Variants in BAZ1A observed in about 807,000 individuals in gnomAD.
BAZ1A encodes the protein bromodomain adjacent to zinc finger domain protein 1A.
In BAZ1A, 50 loss-of-function variants were observed where a neutral mutation model predicts 185.2. The ratio of observed to expected loss-of-function variants is 0.27; its 90% confidence interval spans 0.22 to 0.34. BAZ1A has a LOEUF of 0.34. BAZ1A is among the 10% of genes least tolerant of loss of function. BAZ1A has a pLI of 1.00. For missense variants in BAZ1A, 1,356 were observed against 1,839.9 expected, an observed-to-expected ratio of 0.74 and a Z score of 4.81; for synonymous variants, 571 against 615.6, an observed-to-expected ratio of 0.93 and a Z score of 1.07.
chr14:34,771,325 T>G, intron 21 of BAZ1A, 186 bp downstream of exon 21: 1 of 607,848 alleles, frequency 1.6e-6, no homozygotes, highest in Admixed American at 3.0e-5. Context: ...ATGAAACTCT[T>G]CACAAAAGAC....
chr14:34,816,911 A>G, intron 4 of BAZ1A: 1 of 352,306 alleles, frequency 2.8e-6, no homozygotes, highest in Non-Finnish European at 5.7e-6. Context: ...GGATATTTAC[A>G]TATAAATTTT....
intron 3 of BAZ1A, among the ~76,000 whole-genome samples, chr14:34,828,369 A>C (rs1312381028): frequency 6.6e-6 from 1 of 151,080 alleles, no homozygotes; most frequent in Non-Finnish European, 1.5e-5. Context: ...AAAAGACAGC[A>C]CCTGTTTTCT....
intron 3 of BAZ1A, among the ~76,000 whole-genome samples, chr14:34,849,167 A>G (rs2042560418): frequency 6.6e-6 from 1 of 152,136 alleles, no homozygotes; most frequent in South Asian, 2.1e-4. Flanking sequence ...GCACATGCCT[A>G]TAGTCCCAGC....
intron 7 of BAZ1A, among the ~76,000 whole-genome samples, chr14:34,801,656 C>T (rs1197767506): frequency 6.6e-6 from 1 of 152,134 alleles, no homozygotes; most frequent in Non-Finnish European, 1.5e-5. Flanking sequence ...TGCCTGTGAT[C>T]CTAGCATTTT....
intron 4 of BAZ1A, among the ~76,000 whole-genome samples, chr14:34,822,736 G>C (rs1417455226): frequency 6.6e-6 from 1 of 152,170 alleles, no homozygotes; most frequent in African/African-American, 2.4e-5. Context: ...AGGAAATTAT[G>C]ACTGATTGCT....
rs539074064 is a variant in BAZ1A, at chr14:34,870,784, A to G, written c.113+3708T>C. Among the ~76,000 whole-genome samples the G allele has an allele frequency of 8.5e-5, 13 of 152,336 alleles. No homozygotes were observed. The South Asian group carries it at 2.7e-3, about 32-fold the overall frequency. ...AGCATTATCAGTTACTAGAAAAATA[A>G]TTTTGGACACCGTAATCTTGGATTT... is the stretch of plus-strand genomic sequence containing the variant. On this transcript the variant is annotated intron_variant, in intron 2 of 26. Transcript: ENST00000360310.
chr14:34,840,955 T>C (rs981140605), intron 3 of BAZ1A, among the ~76,000 whole-genome samples: 1 of 150,766 alleles, frequency 6.6e-6, no homozygotes, highest in South Asian at 2.1e-4. Context: ...AAAATCAATA[T>C]TTTTTTTTTT....
At chr14:34,808,461 G>A (rs997887293) in intron 5 of BAZ1A, among the ~76,000 whole-genome samples, 3 of 152,088 alleles carry the variant, frequency 2.0e-5, no homozygotes, top group Non-Finnish European at 4.4e-5. Context: ...TCGTGCTGCT[G>A]CACTCTAGTC....
At position 34,800,176 on chromosome 14, in the gene BAZ1A, T is replaced by C. The variant is rs1312023259; in HGVS notation, c.1128+48A>G. 5 of 1,254,682 alleles carry C rather than the reference T, an allele frequency of 4.0e-6. No individual in the cohort carries two copies. In the Admixed American group the frequency reaches 8.9e-5, roughly 22 times the overall value. The allele number at this position is 1,254,682 out of a possible 1,614,324, so 77.7% of individuals were successfully genotyped here. A position where few individuals can be genotyped will look rare whatever the true frequency, so the allele number is the denominator to read the frequency against. ...CAACCATGGATGTAGATATGTAAAG[T>C]AGTATTACTATATGTAGAGAGTATA... is the stretch of plus-strand genomic sequence containing the variant. On this transcript the variant is annotated intron_variant, in intron 9 of 26. Coordinates refer to ENST00000360310, the MANE Select transcript of BAZ1A (RefSeq NM_013448.3).
chr14:34,757,856 C>A (rs559136162), intron 25 of BAZ1A, among the ~76,000 whole-genome samples: 1 of 150,242 alleles, frequency 6.7e-6, no homozygotes, highest in Non-Finnish European at 1.5e-5. Flanking sequence ...AAGTAATTCT[C>A]CTGCCTCAGC....
At chr14:34,815,162 T>C (rs1323749476) in intron 4 of BAZ1A, among the ~76,000 whole-genome samples, 3 of 152,240 alleles carry the variant, frequency 2.0e-5, no homozygotes, top group African/African-American at 7.2e-5. Context: ...TGCCGTACCA[T>C]GAAATTCATT....
At chr14:34,817,323 C>A (rs559319539) in intron 4 of BAZ1A, among the ~76,000 whole-genome samples, 1 of 152,124 alleles carries the variant, frequency 6.6e-6, no homozygotes. Flanking sequence ...CACAGTGGCT[C>A]ATGCCTGTAA....
intron 9 of BAZ1A, 122 bp from the exon 10 acceptor site, chr14:34,795,887 T>A: frequency 1.5e-6 from 1 of 680,770 alleles, no homozygotes; most frequent in Non-Finnish European, 2.4e-6. Flanking sequence ...ACTGAAGCAG[T>A]AACTCTGAGG....
intron 17 of BAZ1A, among the ~76,000 whole-genome samples, chr14:34,778,880 G>A (rs1221781122): frequency 6.6e-6 from 1 of 151,976 alleles, no homozygotes; most frequent in African/African-American, 2.4e-5. Flanking sequence ...TTTGAGAAAG[G>A]ACCTTGCTCT....
At chr14:34,754,426 A>AAG (rs1555336279) in intron 26 of BAZ1A, among the ~76,000 whole-genome samples, 7 of 122,838 alleles carry the variant, frequency 5.7e-5, no homozygotes, top group South Asian at 2.4e-4. Flanking sequence ...TCAAAAAAAA[A>AAG]AAAAAAGAAA....
intron 4 of BAZ1A, among the ~76,000 whole-genome samples, chr14:34,820,703 A>T (rs1431753547): frequency 6.6e-6 from 1 of 152,142 alleles, no homozygotes; most frequent in African/African-American, 2.4e-5. Flanking sequence ...TTTTACACTT[A>T]GGTCTACAAA....
chr14:34,762,216 T>A lies in BAZ1A; in HGVS notation c.3784A>T (p.Lys1262Ter). ...AATCTAACTTGTGGTCTTCCTCGTT[T>A]GGGTAGGCTATAAATATTGTTAGAA... ...SQEEEEVSLP[K>*]RGRPQVRLPV... Residue 1262 changes from lysine to a stop codon, truncating the protein, a stop_gained, in exon 24 of 27, where the codon AAA becomes TAA. Transcript: ENST00000360310. LOFTEE classifies it high-confidence loss of function. 6.2e-7 allele frequency: 1 copy of A among 1,613,718 alleles called. No individual in the cohort carries two copies. The highest frequency in any genetic ancestry group is 8.5e-7 in the Non-Finnish European group (1 of 1,179,854).
At chr14:34,837,383 A>T (rs2042346557) in intron 3 of BAZ1A, among the ~76,000 whole-genome samples, 1 of 149,094 alleles carries the variant, frequency 6.7e-6, no homozygotes. Context: ...CTGGGACTAC[A>T]GGCGAATACC....
At chr14:34,779,010 A>C (rs1283203917) in intron 17 of BAZ1A, among the ~76,000 whole-genome samples, 1 of 152,136 alleles carries the variant, frequency 6.6e-6, no homozygotes, top group Non-Finnish European at 1.5e-5. Flanking sequence ...GCATGCCACC[A>C]TGCCCAGCTT....
Sources: gnomAD v4.1 joint callset for allele counts (sites outside exome capture counted in the v4.1 genomes callset) on GRCh38, gnomAD v4.1.1 for gene constraint, MANE v1.5 for transcripts, NCBI Gene and HGNC (gene_info 2026-07-23, HGNC 2026-07-21) for gene names.